The following PEX7 variants were observed in gnomAD, a reference collection of about 807,000 sequenced individuals.
PEX7 encodes peroxisomal biogenesis factor 7, also known as PTS2 receptor.
In PEX7, 34 loss-of-function variants were observed where a neutral mutation model predicts 47.5. That is an observed-to-expected ratio of 0.72 (90% CI 0.54 to 0.95). The LOEUF (loss-of-function observed/expected upper bound fraction) is 0.95, where lower values mean the gene tolerates loss of function less well. Ranked by LOEUF, PEX7 falls within the 40% of genes least tolerant of loss-of-function variation. The pLI, the probability that PEX7 is intolerant of heterozygous loss-of-function variation, is 0.00. For missense variants in PEX7, 394 were observed against 400.3 expected (o/e 0.98, Z 0.13); for synonymous variants, 141 against 148.8 (o/e 0.95, Z 0.38).
At chr6:136,861,299 T>A (rs911140812) in intron 5 of PEX7, among the ~76,000 whole-genome samples, 3 of 152,040 alleles carry the variant, frequency 2.0e-5, no homozygotes, top group African/African-American at 4.8e-5. Flanking sequence ...CCCAGGCTGG[T>A]CTGGAACTCT....
At chr6:136,911,421 T>C (rs1489480878) in intron 9 of PEX7, among the ~76,000 whole-genome samples, 1 of 152,178 alleles carries the variant, frequency 6.6e-6, no homozygotes, top group Non-Finnish European at 1.5e-5. Context: ...TTTCCTTTTT[T>C]TTTAGACAGA....
intron 8 of PEX7, among the ~76,000 whole-genome samples, chr6:136,896,177 G>T (rs1011426509): frequency 7.2e-5 from 11 of 152,178 alleles, no homozygotes; most frequent in Non-Finnish European, 1.6e-4. Context: ...AATTTATCAG[G>T]AGAGTATAAA....
At chr6:136,822,939 G>T in intron 1 of PEX7, 144 bp downstream of exon 1, 1 of 1,209,430 alleles carries the variant, frequency 8.3e-7, no homozygotes, top group South Asian at 3.8e-5. Flanking sequence ...AGAGGCGCTG[G>T]TCGGCGCTTC....
chr6:136,892,181 C>T (rs753840969), intron 8 of PEX7, among the ~76,000 whole-genome samples: 16 of 152,226 alleles, frequency 1.1e-4, no homozygotes, highest in African/African-American at 3.9e-4. Flanking sequence ...TGTATTCTGG[C>T]TCATAATTTC....
chr6:136,878,836 TTCTG>T (rs1044424481), intron 8 of PEX7, among the ~76,000 whole-genome samples: 5 of 151,314 alleles, frequency 3.3e-5, no homozygotes, highest in African/African-American at 1.2e-4. Flanking sequence ...TTTGCTATGT[TTCTG>T]TGTGTGATGT....
At chr6:136,884,892 GT>G (rs1453676399) in intron 8 of PEX7, among the ~76,000 whole-genome samples, 1 of 152,114 alleles carries the variant, frequency 6.6e-6, no homozygotes, top group Non-Finnish European at 1.5e-5. Context: ...TAATACTAAA[GT>G]TAAAATGTTT....
In PEX7 at chr6:136,913,647, C is replaced by A. The variant is rs1775968579; in HGVS notation, c.*121C>A. Reference sequence around the variant, plus strand: ...TATGCTATTCAGATTTCAAATCTTTCCAATTTACCCTGGAATCAGTTTTGA... The same window carrying A: ...TATGCTATTCAGATTTCAAATCTTTACAATTTACCCTGGAATCAGTTTTGA... On this transcript the variant is annotated 3_prime_UTR_variant, in exon 10 of 10. Transcript: ENST00000318471. The A allele has an allele frequency of 8.9e-6, 7 of 790,132 alleles. No individual in the cohort carries two copies. In the South Asian group the frequency reaches 9.8e-5, roughly 11 times the overall value. The allele number at this position is 790,132 out of a possible 1,614,324, so 48.9% of individuals were successfully genotyped here.
At chr6:136,874,043 C>T (rs536018881) in intron 8 of PEX7, among the ~76,000 whole-genome samples, 19 of 152,210 alleles carry the variant, frequency 1.2e-4, no homozygotes, top group Non-Finnish European at 2.2e-4. Flanking sequence ...AAAGCTTTTG[C>T]GTCAATATTC....
rs571456474 is a variant in PEX7 at position 136,864,998 on chromosome 6, G to A, written c.527-1629G>A. ...TGTTTATATTTTACTTTTGAGGTAGGTATATATATTCTGGATTTTATTCAT... is the reference window on the plus strand; with the variant it reads ...TGTTTATATTTTACTTTTGAGGTAGATATATATATTCTGGATTTTATTCAT... On this transcript the variant is annotated intron_variant, in intron 5 of 9. Coordinates refer to ENST00000318471, the MANE Select transcript of PEX7 (RefSeq NM_000288.4). 6.6e-5 allele frequency among the ~76,000 whole-genome samples: 10 copies of A among 152,266 alleles called. No homozygotes were observed. In the South Asian group the frequency reaches 1.9e-3, roughly 28 times the overall value.
chr6:136,850,496 C>A lies in PEX7; in HGVS notation c.526+4315C>A, dbSNP rs112001842. Reference sequence around the variant, plus strand: ...TGGCATGTTTTTGCAGTGGCTGGTACCGATTATTCCTTTCCATGTTTAGGA... The same window carrying A: ...TGGCATGTTTTTGCAGTGGCTGGTAACGATTATTCCTTTCCATGTTTAGGA... On this transcript the variant is annotated intron_variant, in intron 5 of 9. Transcript: ENST00000318471. 1.3e-3 allele frequency among the ~76,000 whole-genome samples: 193 copies of A among 152,224 alleles called. 1 individual carries two copies. The highest frequency in any genetic ancestry group is 4.5e-3 in the African/African-American group (185 of 41,548).
chr6:136,872,155 G>A, intron 7 of PEX7, 43 bp from the exon 8 acceptor site: 6 of 1,527,938 alleles, frequency 3.9e-6, no homozygotes, highest in East Asian at 2.3e-5. Context: ...TATAATCACA[G>A]CTGACTTCAA....
At chr6:136,867,326 T>G (rs1013800045) in intron 6 of PEX7, among the ~76,000 whole-genome samples, 1 of 152,102 alleles carries the variant, frequency 6.6e-6, no homozygotes, top group African/African-American at 2.4e-5. Context: ...AGTGACAGAT[T>G]GCATATGTGA....
chr6:136,835,471 T>C (rs1157474865), intron 3 of PEX7, among the ~76,000 whole-genome samples: 4 of 151,992 alleles, frequency 2.6e-5, no homozygotes, highest in African/African-American at 9.7e-5. Context: ...GTATTTTTAG[T>C]AGAGACAGGA....
intron 3 of PEX7, among the ~76,000 whole-genome samples, chr6:136,835,538 C>T (rs757390426): frequency 6.6e-6 from 1 of 152,118 alleles, no homozygotes; most frequent in Non-Finnish European, 1.5e-5. Flanking sequence ...CCGCCTGACT[C>T]GTCCTCCCAA....
At chr6:136,859,893 C>T (rs922293092) in intron 5 of PEX7, among the ~76,000 whole-genome samples, 19 of 151,692 alleles carry the variant, frequency 1.3e-4, no homozygotes, top group Admixed American at 6.6e-5. Flanking sequence ...GGCATGATGG[C>T]GGGTGCCTGT....
chr6:136,870,770 C>T (rs771648896), intron 7 of PEX7: 2 of 408,510 alleles, frequency 4.9e-6, no homozygotes, highest in East Asian at 9.6e-5. Flanking sequence ...GATCTCAGCT[C>T]ACTGCAACCT....
At position 136,844,582 on chromosome 6, in the gene PEX7, G is replaced by A. The variant is rs149491404; in HGVS notation, c.340-1033G>A. On this transcript the variant is annotated intron_variant, in intron 3 of 9. Transcript: ENST00000318471. ...TATTATTTATAATAGTTACCATGGT[G>A]TACATTGAATCTCTAGAAATTATTC... Among the ~76,000 whole-genome samples, 642 of 152,228 alleles carry A rather than the reference G, an allele frequency of 4.2e-3. 4 individuals carry two copies. Among genetic ancestry groups the A allele is most frequent in the Non-Finnish European group, 6.8e-3 (465 of 68,008 alleles).
At chr6:136,827,751 T>C (rs1419033028) in intron 3 of PEX7, among the ~76,000 whole-genome samples, 2 of 151,998 alleles carry the variant, frequency 1.3e-5, no homozygotes, top group Non-Finnish European at 2.9e-5. Context: ...AGGCTGGTCT[T>C]GAACTCCTGG....
chr6:136,826,669 A>G (rs1439243152), intron 3 of PEX7, among the ~76,000 whole-genome samples, 200 bp downstream of exon 3: 11 of 151,828 alleles, frequency 7.2e-5, no homozygotes, highest in Non-Finnish European at 1.3e-4. Flanking sequence ...GAAAGAAAAG[A>G]AAAGGTCAGT....
Sources: allele counts gnomAD v4.1 joint callset (sites outside exome capture counted in the v4.1 genomes callset), GRCh38; gene constraint gnomAD v4.1.1; transcripts MANE v1.5; gene names NCBI Gene and HGNC (gene_info 2026-07-23, HGNC 2026-07-21).